Variants in RAPGEF1 observed in about 807,000 individuals in gnomAD.
RAPGEF1 encodes the protein CRK SH3-binding GNRP.
In RAPGEF1, 33 loss-of-function variants were observed where a neutral mutation model predicts 143.3. The ratio of observed to expected loss-of-function variants is 0.23; its 90% CI spans 0.17 to 0.31. The LOEUF is 0.31. RAPGEF1 is among the 10% of genes least tolerant of loss of function. RAPGEF1 has a pLI of 1.00. For missense variants in RAPGEF1, 1,199 were observed against 1,645.4 expected (o/e 0.73, Z 4.69); for synonymous variants, 629 against 676.5 (o/e 0.93, Z 1.09).
intron 1 of RAPGEF1, among the ~76,000 whole-genome samples, chr9:131,678,013 A>G (rs926115107): frequency 3.9e-5 from 6 of 152,230 alleles, no homozygotes; most frequent in Admixed American, 3.3e-4. Context: ...AACTCACCTA[A>G]TAATTAATAG....
intron 10 of RAPGEF1, among the ~76,000 whole-genome samples, chr9:131,623,179 T>C (rs1235818111): frequency 2.0e-5 from 3 of 152,052 alleles, no homozygotes; most frequent in Admixed American, 6.6e-5. Context: ...AAAGACTAAA[T>C]ATGACCGGGC....
intron 1 of RAPGEF1, among the ~76,000 whole-genome samples, chr9:131,726,111 A>T (rs189057316): frequency 1.5e-3 from 227 of 152,198 alleles, no homozygotes; most frequent in African/African-American, 5.2e-3. Flanking sequence ...ATTTCTAGCA[A>T]ACAGACAGAT....
intron 1 of RAPGEF1, among the ~76,000 whole-genome samples, chr9:131,708,625 G>A (rs565890505): frequency 1.3e-5 from 2 of 152,228 alleles, no homozygotes; most frequent in South Asian, 2.1e-4. Flanking sequence ...GGAACTTTTG[G>A]AAGTGCTATA....
intron 1 of RAPGEF1, among the ~76,000 whole-genome samples, chr9:131,657,767 C>T (rs1006766345): frequency 1.3e-5 from 2 of 152,208 alleles, no homozygotes; most frequent in African/African-American, 4.8e-5. Flanking sequence ...GCCATGTGCT[C>T]CTCTACAGCC....
chr9:131,632,050 G>A (rs1483432881), intron 5 of RAPGEF1, among the ~76,000 whole-genome samples: 1 of 152,156 alleles, frequency 6.6e-6, no homozygotes, highest in African/African-American at 2.4e-5. Context: ...GCAGAAGGAC[G>A]GCTTGAGCCC....
intron 1 of RAPGEF1, among the ~76,000 whole-genome samples, chr9:131,676,959 A>T (rs1206204048): frequency 6.6e-6 from 1 of 152,226 alleles, no homozygotes; most frequent in Non-Finnish European, 1.5e-5. Context: ...TGTTTTAACA[A>T]GCTCTCCAGG....
chr9:131,645,705 T>C (rs2133357154), intron 3 of RAPGEF1, among the ~76,000 whole-genome samples: 2 of 152,368 alleles, frequency 1.3e-5, no homozygotes, highest in South Asian at 4.1e-4. Context: ...ACTCCATGCC[T>C]TGGCTTTGCT....
rs543927642 is a variant in RAPGEF1, at chr9:131,605,123, A to G, written c.2127T>C (p.Pro709=). Reference sequence around the variant, plus strand: ...AGGAAGAGGAGGTAGGCGGAAGGAAAGGCGGAACGGAAGCTTGGTGGTGAG... The same window carrying G: ...AGGAAGAGGAGGTAGGCGGAAGGAAGGGCGGAACGGAAGCTTGGTGGTGAG... ...FVPHHQASVP[P]FLPPTSSSSP... The change falls in exon 13 of 27, where the codon CCT becomes CCC. Residue 709 remains proline (P), a synonymous_variant. Transcript: ENST00000683357. 1 of 1,364,112 alleles carries G rather than the reference A, an allele frequency of 7.3e-7. No individual in the cohort carries two copies. The allele number at this position is 1,364,112 out of a possible 1,614,324, so 84.5% of individuals were successfully genotyped here.
chr9:131,614,387 C>T (rs961515555), intron 12 of RAPGEF1, among the ~76,000 whole-genome samples: 8 of 152,252 alleles, frequency 5.3e-5, no homozygotes, highest in Admixed American at 3.9e-4. Flanking sequence ...TGGGCCATTC[C>T]GTTTTCCTCC....
chr9:131,589,961 G>C lies in RAPGEF1; in HGVS notation c.2792C>G (p.Pro931Arg), dbSNP rs1306496768. 1 of 1,613,562 alleles carries C rather than the reference G, an allele frequency of 6.2e-7. No individual in the cohort carries two copies. Among genetic ancestry groups the C allele is most frequent in the Non-Finnish European group, 8.5e-7 (1 of 1,179,714 alleles). Residue 931 changes from proline (P) to arginine (R), a missense_variant, in exon 19 of 27, where the codon CCC becomes CGC. Physicochemically the swap from Pro to Arg is moderately radical, Grantham distance 103. Transcript: ENST00000683357. Reference sequence around the variant, plus strand: ...GCGCTTCTTGAATGTGTCGGCAAAGGGAGAGAATTTCTCATATGTGGAGCA... The same window carrying C: ...GCGCTTCTTGAATGTGTCGGCAAAGCGAGAGAATTTCTCATATGTGGAGCA... ...KLQYRYEKFS[P>R]FADTFKKRVS...
intron 1 of RAPGEF1, among the ~76,000 whole-genome samples, chr9:131,726,544 T>C (rs1363908847): frequency 7.9e-6 from 1 of 127,022 alleles, no homozygotes; most frequent in Non-Finnish European, 1.8e-5. Context: ...GAGAATCACC[T>C]GAGCCCAGGA....
chr9:131,599,884 G>A (rs1402977909), intron 15 of RAPGEF1, among the ~76,000 whole-genome samples: 1 of 152,138 alleles, frequency 6.6e-6, no homozygotes, highest in Admixed American at 6.5e-5. Flanking sequence ...TTGGGAGGCC[G>A]AGGCGGGTGG....
Position 131,687,312 on chromosome 9 carries a change from T to G in RAPGEF1, c.62-36363A>C, listed in dbSNP as rs563837292. Among the ~76,000 whole-genome samples, 10 of 152,308 alleles carry G rather than the reference T, an allele frequency of 6.6e-5. No homozygotes were observed. The East Asian group carries it at 1.9e-3, about 29-fold the overall frequency. On this transcript the variant is annotated intron_variant, in intron 1 of 26. Coordinates refer to ENST00000683357, the MANE Select transcript of RAPGEF1 (RefSeq NM_001377935.1). The stretch of plus-strand genomic sequence containing the variant: ...TTCAAGCAAATCTCCTGCCTCAGCC[T>G]CCCAAGTAGCTGGGACTACAAGCGT...
At chr9:131,715,756 T>C (rs1251132311) in intron 1 of RAPGEF1, among the ~76,000 whole-genome samples, 2 of 150,628 alleles carry the variant, frequency 1.3e-5, no homozygotes, top group Non-Finnish European at 2.9e-5. Context: ...CCCAAGCTAC[T>C]CGGGAGGCTG....
At chr9:131,690,732 C>T (rs1375267328) in intron 1 of RAPGEF1, among the ~76,000 whole-genome samples, 1 of 152,162 alleles carries the variant, frequency 6.6e-6, no homozygotes, top group African/African-American at 2.4e-5. Flanking sequence ...GTGGAAGGTA[C>T]AGTGAGCCGA....
chr9:131,584,011 G>A lies in RAPGEF1; in HGVS notation c.3414+300C>T, dbSNP rs1952292483. Among the ~76,000 whole-genome samples, 2 of 152,212 alleles carry A rather than the reference G, an allele frequency of 1.3e-5. No homozygotes were observed. The highest frequency in any genetic ancestry group is 6.5e-5 in the Admixed American group (1 of 15,286). On this transcript the variant is annotated intron_variant, in intron 24 of 26. Coordinates refer to ENST00000683357, the MANE Select transcript of RAPGEF1 (RefSeq NM_001377935.1). The surrounding 1 kb of genome is among the most constrained non-coding windows in gnomAD (Gnocchi z 6.8). ...CCCGAAGCAGACCCTTCAGAAGAAC[G>A]GGCTGAGGGCGGGCGGGGGAGGCGG...
chr9:131,579,143 G>A lies in RAPGEF1; in HGVS notation c.*354C>T, dbSNP rs1028029846. 7 of 210,578 alleles carry A rather than the reference G, an allele frequency of 3.3e-5. No homozygotes were observed. The highest frequency in any genetic ancestry group is 6.8e-5 in the Non-Finnish European group (7 of 103,426). The allele number at this position is 210,578 out of a possible 1,614,324, so 13.0% of individuals were successfully genotyped here. A position where few individuals can be genotyped will look rare whatever the true frequency, so the allele number is the denominator to read the frequency against. On this transcript the variant is annotated 3_prime_UTR_variant, in exon 27 of 27. Coordinates refer to ENST00000683357, the MANE Select transcript of RAPGEF1 (RefSeq NM_001377935.1). Reference sequence around the variant, plus strand: ...GGAGCACCCACCACTTCCTTGGTCTGCTGATGAGGTCTCTGCTGCTCTCTC... The same window carrying A: ...GGAGCACCCACCACTTCCTTGGTCTACTGATGAGGTCTCTGCTGCTCTCTC...
At chr9:131,611,868 CA>C (rs1958064459) in intron 12 of RAPGEF1, among the ~76,000 whole-genome samples, 1 of 152,108 alleles carries the variant, frequency 6.6e-6, no homozygotes, top group Admixed American at 6.5e-5. Flanking sequence ...TTAAGCAGTT[CA>C]AAAATGGGCA....
At chr9:131,719,552 G>GTTTTTTTTTTTTTTTTTTT (rs1836105085) in intron 1 of RAPGEF1, among the ~76,000 whole-genome samples, 1 of 134,054 alleles carries the variant, frequency 7.5e-6, no homozygotes, top group Non-Finnish European at 1.6e-5. Flanking sequence ...ACCCTTCAGG[G>GTTTTTTTTTTTTTTTTTTT]CTTTTTTTTT....
Sources: allele counts gnomAD v4.1 joint callset (sites outside exome capture counted in the v4.1 genomes callset), GRCh38; gene constraint gnomAD v4.1.1; non-coding constraint Gnocchi (gnomAD v3.1); transcripts MANE v1.5; gene names NCBI Gene and HGNC (gene_info 2026-07-23, HGNC 2026-07-21).